CATSPERT: variants seen among roughly 807,000 people sequenced by gnomAD.
CATSPERT encodes the protein cation channel sperm-associated targeting subunit tau.
the CATSPERT span, among the ~76,000 whole-genome samples, chr2:201,544,829 A>C: frequency 1.3e-5 from 2 of 150,104 alleles, no homozygotes; most frequent in Non-Finnish European, 3.0e-5. Flanking sequence ...TACAAAAAAA[A>C]AAAAAAAAAA....
At chr2:201,551,227 A>G in the CATSPERT span, among the ~76,000 whole-genome samples, 1 of 152,216 alleles carries the variant, frequency 6.6e-6, no homozygotes, top group Non-Finnish European at 1.5e-5. Flanking sequence ...AATGCATAAA[A>G]TATATGTACT....
chr2:201,613,332 G>C, the CATSPERT span, among the ~76,000 whole-genome samples: 62 of 152,228 alleles, frequency 4.1e-4, 2 homozygotes, highest in African/African-American at 8.4e-4. Context: ...TCATACAACT[G>C]GGTGCCCCTC....
the CATSPERT span, among the ~76,000 whole-genome samples, chr2:201,532,062 T>C: frequency 6.6e-6 from 1 of 152,148 alleles, no homozygotes. Context: ...GTGATAGCAA[T>C]TACAGTGGTG....
chr2:201,492,116 AT>A, the CATSPERT span: 9 of 1,526,616 alleles, frequency 5.9e-6, no homozygotes, highest in Non-Finnish European at 7.9e-6. Context: ...TCTCGAATCA[AT>A]TCTGCTTCTC....
chr2:201,531,394 A>G, the CATSPERT span, among the ~76,000 whole-genome samples: 1 of 152,300 alleles, frequency 6.6e-6, no homozygotes, highest in South Asian at 2.1e-4. Flanking sequence ...AATACTCATC[A>G]TTATTACTAG....
At chr2:201,504,596 C>T in the CATSPERT span, among the ~76,000 whole-genome samples, 1 of 152,218 alleles carries the variant, frequency 6.6e-6, no homozygotes, top group African/African-American at 2.4e-5. Context: ...GCTCTTCTCT[C>T]TCTCTCTGTC....
chr2:201,559,030 A>G, the CATSPERT span, among the ~76,000 whole-genome samples: 1 of 152,150 alleles, frequency 6.6e-6, no homozygotes, highest in African/African-American at 2.4e-5. Flanking sequence ...TAAGCTGGCC[A>G]AACTGCTGCA....
the CATSPERT span, among the ~76,000 whole-genome samples, chr2:201,584,379 T>C: frequency 0.89 from 135,413 of 152,184 alleles, 60,984 homozygotes; most frequent in South Asian, 0.98. Flanking sequence ...AAATATTTTT[T>C]ATAGGTTAAA....
chr2:201,517,022 G>A, the CATSPERT span, among the ~76,000 whole-genome samples: 2 of 151,672 alleles, frequency 1.3e-5, no homozygotes, highest in South Asian at 4.2e-4. Context: ...CCCAGACACA[G>A]GGAATTTTTT....
At chr2:201,543,754 T>G in the CATSPERT span, among the ~76,000 whole-genome samples, 4 of 152,186 alleles carry the variant, frequency 2.6e-5, no homozygotes, top group Non-Finnish European at 5.9e-5. Flanking sequence ...TCTTTTTGTG[T>G]GGAGTCTACA....
At chr2:201,539,964 T>C in the CATSPERT span, among the ~76,000 whole-genome samples, 4 of 152,128 alleles carry the variant, frequency 2.6e-5, no homozygotes, top group African/African-American at 9.7e-5. Flanking sequence ...GAAGTGCTAC[T>C]CCACACACAA....
At chr2:201,601,685 A>G in the CATSPERT span, 7 of 1,494,484 alleles carry the variant, frequency 4.7e-6, no homozygotes, top group Middle Eastern at 3.6e-4. Flanking sequence ...TTAGGGTAGA[A>G]TATTTGGAAC....
the CATSPERT span, among the ~76,000 whole-genome samples, chr2:201,593,164 A>T: frequency 6.6e-6 from 1 of 151,716 alleles, no homozygotes; most frequent in East Asian, 1.9e-4. Flanking sequence ...TGTGTCCCAG[A>T]GATTCTGGTA....
At chr2:201,494,681 G>C in the CATSPERT span, 1 of 1,534,352 alleles carries the variant, frequency 6.5e-7, no homozygotes, top group Non-Finnish European at 8.7e-7. Flanking sequence ...TATATATCTT[G>C]ATCTTTTCTT....
At chr2:201,493,644 C>T in the CATSPERT span, 3 of 1,537,310 alleles carry the variant, frequency 2.0e-6, no homozygotes, top group Non-Finnish European at 2.6e-6. Flanking sequence ...AACTTCTCTT[C>T]CAAGGTGTAG....
At chr2:201,576,528 G>A in the CATSPERT span, among the ~76,000 whole-genome samples, 4 of 152,288 alleles carry the variant, frequency 2.6e-5, no homozygotes, top group East Asian at 7.7e-4. Flanking sequence ...AGGCCAGTTC[G>A]TTAACCTTTT....
the CATSPERT span, among the ~76,000 whole-genome samples, chr2:201,488,665 A>G: frequency 6.6e-6 from 1 of 152,196 alleles, no homozygotes; most frequent in Non-Finnish European, 1.5e-5. Context: ...TACTTTGCAA[A>G]GATAGCCACA....
chr2:201,535,673 T>G, the CATSPERT span: 1 of 1,197,894 alleles, frequency 8.3e-7, no homozygotes, highest in Non-Finnish European at 1.0e-6. Context: ...TTTTTTATCC[T>G]CATTTCTTGA....
the CATSPERT span, among the ~76,000 whole-genome samples, chr2:201,516,677 G>A: frequency 1.3e-5 from 2 of 152,068 alleles, no homozygotes; most frequent in Non-Finnish European, 2.9e-5. Flanking sequence ...CTATGCATAA[G>A]ATCACTTTAA....
Sources: gnomAD v4.1 joint callset for allele counts (sites outside exome capture counted in the v4.1 genomes callset) on GRCh38, gnomAD v4.1.1 for gene constraint, MANE v1.5 for transcripts, NCBI Gene and HGNC (gene_info 2026-07-23, HGNC 2026-07-21) for gene names.